Variants in CAST observed in about 807,000 individuals in gnomAD.
CAST encodes calpastatin.
A neutral mutation model predicts 119.6 loss-of-function variants in CAST; 76 were observed. The ratio of observed to expected loss-of-function variants is 0.64; its 90% CI spans 0.53 to 0.77. The LOEUF (loss-of-function observed/expected upper bound fraction) is 0.77, where lower values mean the gene tolerates loss of function less well. Ranked by LOEUF, CAST falls within the 30% of genes least tolerant of loss-of-function variation. CAST has a pLI of 0.00. For synonymous variants in CAST, 319 were observed against 331.6 expected, an observed-to-expected ratio of 0.96 and a Z score of 0.41; for missense variants, 953 against 946.5, an observed-to-expected ratio of 1.01 and a Z score of -0.09.
intron 3 of CAST, among the ~76,000 whole-genome samples, chr5:96,711,712 T>C (rs572740364): frequency 1.8e-4 from 27 of 152,326 alleles, no homozygotes; most frequent in Admixed American, 1.6e-3. Flanking sequence ...TTCAGTAGTT[T>C]GTATCTAAGT....
In CAST at chr5:96,722,727, T is replaced by C. The variant is rs144921221; in HGVS notation, c.270+29T>C. ...TGAAGAATGCTAATTGAGTGAGTGC[T>C]AATTTAAGTTGATTGTGCTGCAAAG... On this transcript the variant is annotated intron_variant, in intron 4 of 31. Coordinates refer to ENST00000675179, the MANE Select transcript of CAST (RefSeq NM_001750.7). The C allele has an allele frequency of 4.4e-5, 66 of 1,505,130 alleles. No homozygotes were observed. In the Admixed American group the frequency reaches 1.1e-3, roughly 25 times the overall value. 93.2% of individuals were successfully genotyped at this position (1,505,130 alleles called of 1,614,324 possible).
intron 1 of CAST, among the ~76,000 whole-genome samples, chr5:96,542,081 C>CG (rs1554066721): frequency 6.6e-6 from 1 of 152,100 alleles, no homozygotes; most frequent in Non-Finnish European, 1.5e-5. Context: ...GAGGCTGAGG[C>CG]GGGTGGATCA....
the CAST span, chr5:96,432,803 G>T: frequency 2.4e-5 from 34 of 1,427,772 alleles, no homozygotes; most frequent in Admixed American, 4.6e-4. Flanking sequence ...GGAAGACCGC[G>T]CTCCAGTCCC....
chr5:96,397,880 C>A, the CAST span, among the ~76,000 whole-genome samples: 1 of 151,846 alleles, frequency 6.6e-6, no homozygotes, highest in Admixed American at 6.6e-5. Context: ...TAGTAGGTGC[C>A]TGACTCCATA....
At chr5:96,478,365 G>A in the CAST span, among the ~76,000 whole-genome samples, 4 of 152,180 alleles carry the variant, frequency 2.6e-5, no homozygotes, top group Admixed American at 6.5e-5. Flanking sequence ...ATAGTCCACC[G>A]ACATTGTATG....
the CAST span, among the ~76,000 whole-genome samples, chr5:96,016,835 T>TTG: frequency 7.1e-6 from 1 of 141,784 alleles, no homozygotes; most frequent in African/African-American, 2.6e-5. Context: ...CTGGGTTTTT[T>TTG]TTTTTTTTTT....
the CAST span, among the ~76,000 whole-genome samples, chr5:96,514,967 T>G: frequency 2.6e-5 from 4 of 152,186 alleles, no homozygotes; most frequent in South Asian, 8.3e-4. Flanking sequence ...TCCCAGCTGG[T>G]CTCAAACTTC....
chr5:96,241,005 A>G, the CAST span, among the ~76,000 whole-genome samples: 1 of 152,058 alleles, frequency 6.6e-6, no homozygotes, highest in African/African-American at 2.4e-5. Context: ...GCTACTATTT[A>G]TATGATAAGC....
chr5:96,740,261 T>C, intron 12 of CAST, 143 bp downstream of exon 12: 1 of 592,556 alleles, frequency 1.7e-6, no homozygotes, highest in Non-Finnish European at 3.0e-6. Flanking sequence ...GCTGCATTGG[T>C]TGGCTGGGGC....
the CAST span, among the ~76,000 whole-genome samples, chr5:96,030,184 C>A: frequency 1.3e-5 from 2 of 152,120 alleles, no homozygotes; most frequent in Admixed American, 1.3e-4. Context: ...ACATTCAGTA[C>A]TCTTTGTTAC....
intron 2 of CAST, among the ~76,000 whole-genome samples, chr5:96,683,886 T>C (rs1751738849): frequency 1.3e-5 from 2 of 152,188 alleles, no homozygotes; most frequent in Admixed American, 6.5e-5. Flanking sequence ...CTGAGAGAAA[T>C]TTAGAAAATT....
intron 1 of CAST, among the ~76,000 whole-genome samples, chr5:96,593,388 C>T (rs574596235): frequency 1.3e-5 from 2 of 152,136 alleles, no homozygotes; most frequent in Non-Finnish European, 2.9e-5. Context: ...CATCAGGACC[C>T]GTTTCATGGG....
chr5:96,103,373 C>A, the CAST span, among the ~76,000 whole-genome samples: 39 of 137,558 alleles, frequency 2.8e-4, no homozygotes, highest in Admixed American at 2.4e-3. Context: ...CAACAGTCCC[C>A]AGAGTGTGAT....
the CAST span, among the ~76,000 whole-genome samples, chr5:96,503,930 A>G: frequency 6.6e-6 from 1 of 152,322 alleles, no homozygotes; most frequent in African/African-American, 2.4e-5. Flanking sequence ...AAAATGGAAA[A>G]AGAAACCTCA....
the CAST span, among the ~76,000 whole-genome samples, chr5:96,336,839 C>G: frequency 1.3e-5 from 2 of 152,086 alleles, no homozygotes; most frequent in Non-Finnish European, 2.9e-5. Flanking sequence ...CCTTTAATAT[C>G]TGAGGACTTA....
rs1277121650 is a variant in CAST at position 96,746,364 on chromosome 5, T to C, written c.1223T>C (p.Leu408Pro). Reference sequence around the variant, plus strand: ...CAGGCAAAAGCTAAAGAAGAAAAACTAGAGAAGTGTGGTGAGGATGATGAA... The same window carrying C: ...CAGGCAAAAGCTAAAGAAGAAAAACCAGAGAAGTGTGGTGAGGATGATGAA... ...VDEAKAKEEK[L>P]EKCGEDDETI... Residue 408 changes from leucine (L) to proline (P), a missense_variant, in exon 17 of 32, where the codon CTA (leucine) becomes CCA (proline). Leu to Pro is a moderately conservative substitution (Grantham distance 98, BLOSUM62 -3). Transcript: ENST00000675179. 3 of 1,611,364 alleles carry C rather than the reference T, an allele frequency of 1.9e-6. No homozygotes were observed. The highest frequency in any genetic ancestry group is 4.5e-5 in the East Asian group (2 of 44,872).
chr5:96,151,422 G>A, the CAST span, among the ~76,000 whole-genome samples: 1 of 152,210 alleles, frequency 6.6e-6, no homozygotes, highest in African/African-American at 2.4e-5. Context: ...GATCACTTGA[G>A]TCCAGGAGTT....
chr5:96,669,330 A>G (rs1200720652), intron 1 of CAST, among the ~76,000 whole-genome samples: 1 of 152,198 alleles, frequency 6.6e-6, no homozygotes, highest in Non-Finnish European at 1.5e-5. Context: ...TAATTTTTCA[A>G]GCTACCTTCT....
At chr5:96,560,287 T>C (rs985690081) in intron 1 of CAST, among the ~76,000 whole-genome samples, 4 of 152,028 alleles carry the variant, frequency 2.6e-5, no homozygotes, top group African/African-American at 4.8e-5. Context: ...GTTCAGGACA[T>C]AGGCATGGAC....
Sources: gnomAD v4.1 joint callset for allele counts (sites outside exome capture counted in the v4.1 genomes callset) on GRCh38, gnomAD v4.1.1 for gene constraint, MANE v1.5 for transcripts, NCBI Gene and HGNC (gene_info 2026-07-23, HGNC 2026-07-21) for gene names.